The following ABLIM2 variants were observed in gnomAD, a reference collection of about 807,000 sequenced individuals.
ABLIM2 encodes the protein actin-binding LIM protein 2.
ABLIM2 carries 53 observed loss-of-function variants against 97.7 expected under a neutral mutation model. The ratio of observed to expected loss-of-function variants is 0.54; its 90% CI spans 0.44 to 0.68. The LOEUF (loss-of-function observed/expected upper bound fraction) is 0.68, where lower values mean the gene tolerates loss of function less well. Ranked by LOEUF, ABLIM2 falls within the 30% of genes least tolerant of loss-of-function variation. The pLI is 0.00. For synonymous variants in ABLIM2, 361 were observed against 345.8 expected, an observed-to-expected ratio of 1.04 and a Z score of -0.49; for missense variants, 835 against 867.2, an observed-to-expected ratio of 0.96 and a Z score of 0.47.
intron 3 of ABLIM2, among the ~76,000 whole-genome samples, chr4:8,089,833 G>A (rs1270791125): frequency 6.6e-6 from 1 of 150,588 alleles, no homozygotes; most frequent in Non-Finnish European, 1.5e-5. Context: ...TTGAATGAAT[G>A]AATGGGTGAA....
intron 12 of ABLIM2, among the ~76,000 whole-genome samples, chr4:8,024,895 C>T (rs916128443): frequency 2.0e-5 from 3 of 152,162 alleles, no homozygotes; most frequent in Admixed American, 6.5e-5. Context: ...CACCAGACAC[C>T]AGAGAGGTGG....
intron 6 of ABLIM2, among the ~76,000 whole-genome samples, chr4:8,063,225 C>T (rs949544671): frequency 2.6e-5 from 4 of 152,190 alleles, no homozygotes; most frequent in East Asian, 1.9e-4. Flanking sequence ...GCCACCACGC[C>T]CAGCTAATTT....
chr4:8,001,135 C>T lies in ABLIM2; in HGVS notation c.1618+6924G>A, dbSNP rs541086025. Among the ~76,000 whole-genome samples the T allele has an allele frequency of 6.6e-6, 1 of 152,324 alleles. No homozygotes were observed. Among genetic ancestry groups the T allele is most frequent in the South Asian group, 2.1e-4 (1 of 4,818 alleles). ...TGTCCATCTGAGGAAGACGGGCACC[C>T]CTCATCCCTGAGCAGCGGTGAATGA... On this transcript the variant is annotated intron_variant, in intron 16 of 20. Coordinates refer to ENST00000447017, the MANE Select transcript of ABLIM2 (RefSeq NM_001130083.2). This position sits in a 1 kb window ranked among gnomAD's most constrained non-coding sequence, Gnocchi z 4.2.
chr4:8,110,795 G>A (rs889018597), intron 1 of ABLIM2, among the ~76,000 whole-genome samples: 18 of 152,204 alleles, frequency 1.2e-4, no homozygotes, highest in Non-Finnish European at 1.6e-4. Context: ...CTGCCCTCTC[G>A]CGATGGGAGA....
chr4:8,054,098 T>A lies in ABLIM2; in HGVS notation c.822+90A>T. ...AGCCCGTGGGACTGGACAATGAGCC[T>A]GTAGAATCTGGTCAGTGTCCTCTTA... On this transcript the variant is annotated intron_variant, in intron 8 of 20. Transcript: ENST00000447017. This position sits in a 1 kb window ranked among gnomAD's most constrained non-coding sequence, Gnocchi z 4.9. The A allele has an allele frequency of 1.4e-6, 2 of 1,453,372 alleles. No individual in the cohort carries two copies. Among genetic ancestry groups the A allele is most frequent in the Non-Finnish European group, 1.9e-6 (2 of 1,036,516 alleles). 90.0% of individuals were successfully genotyped at this position (1,453,372 alleles called of 1,614,324 possible).
intron 1 of ABLIM2, among the ~76,000 whole-genome samples, chr4:8,108,970 G>C (rs750951732): frequency 1.3e-5 from 2 of 152,244 alleles, no homozygotes; most frequent in Non-Finnish European, 2.9e-5. Context: ...GCGAGGAGTG[G>C]GAAAGATGAA....
At position 8,002,661 on chromosome 4, in the gene ABLIM2, C is replaced by T. The variant is rs1758016524; in HGVS notation, c.1618+5398G>A. On this transcript the variant is annotated intron_variant, in intron 16 of 20. Transcript: ENST00000447017. This position sits in a 1 kb window ranked among gnomAD's most constrained non-coding sequence, Gnocchi z 6.1. ...TCACCGTCTCGGTTTCCCAAGGCCG[C>T]CCTGCTCCTGCCTCCAGACCTGTCT... 2.0e-5 allele frequency among the ~76,000 whole-genome samples: 3 copies of T among 152,294 alleles called. No homozygotes were observed. In the South Asian group the frequency reaches 6.2e-4, roughly 32 times the overall value.
At chr4:8,098,332 A>G (rs1437805964) in intron 2 of ABLIM2, among the ~76,000 whole-genome samples, 2 of 152,182 alleles carry the variant, frequency 1.3e-5, no homozygotes, top group African/African-American at 4.8e-5. Flanking sequence ...CTGACATCTA[A>G]AAGTTTTCAT....
intron 20 of ABLIM2, among the ~76,000 whole-genome samples, chr4:7,971,867 C>A (rs1341743739): frequency 6.6e-6 from 1 of 152,188 alleles, no homozygotes; most frequent in Admixed American, 6.5e-5. Flanking sequence ...CAGCACAGGG[C>A]TGGCTGACCG....
At chr4:8,060,517 T>C (rs1802300336) in intron 7 of ABLIM2, among the ~76,000 whole-genome samples, 1 of 152,164 alleles carries the variant, frequency 6.6e-6, no homozygotes, top group African/African-American at 2.4e-5. Context: ...CAGTACCTCA[T>C]TACCAACCTC....
At chr4:8,066,559 T>G (rs778901262) in intron 6 of ABLIM2, 2 of 151,748 alleles carry the variant, frequency 1.3e-5, no homozygotes, top group Non-Finnish European at 2.9e-5. Context: ...TGCCAGGGAG[T>G]ATTATTCAGC....
In ABLIM2 at chr4:8,122,588, C is replaced by A. The variant is rs551518565; in HGVS notation, c.11-15951G>T. ...TCACGACCTCATCTAAACCCCATCA[C>A]CTCCCCAAGGCCCCTCCTCCAAATA... On this transcript the variant is annotated intron_variant, in intron 1 of 20. Transcript: ENST00000447017. The surrounding 1 kb of genome is among the most constrained non-coding windows in gnomAD (Gnocchi z 4.1). 4.6e-5 allele frequency among the ~76,000 whole-genome samples: 7 copies of A among 152,304 alleles called. No individual in the cohort carries two copies. The highest frequency in any genetic ancestry group is 1.4e-4 in the African/African-American group (6 of 41,562).
intron 1 of ABLIM2, among the ~76,000 whole-genome samples, chr4:8,137,690 C>T (rs919901564): frequency 6.6e-6 from 1 of 152,234 alleles, no homozygotes; most frequent in Non-Finnish European, 1.5e-5. Context: ...GCCAGCCTGA[C>T]AGGGTCCTGC....
intron 1 of ABLIM2, among the ~76,000 whole-genome samples, chr4:8,144,398 G>A (rs556148196): frequency 4.6e-5 from 7 of 152,238 alleles, no homozygotes; most frequent in Non-Finnish European, 8.8e-5. Context: ...CCCCAGGGCC[G>A]CCGCTGGGGG....
chr4:8,152,269 C>T (rs1445885344), intron 1 of ABLIM2, among the ~76,000 whole-genome samples: 4 of 152,352 alleles, frequency 2.6e-5, no homozygotes, highest in East Asian at 3.9e-4. Flanking sequence ...GCCAGGGATA[C>T]GCGTGTTGCG....
intron 16 of ABLIM2, among the ~76,000 whole-genome samples, chr4:7,993,582 T>C (rs1403221177): frequency 6.6e-6 from 1 of 152,046 alleles, no homozygotes; most frequent in South Asian, 2.1e-4. Flanking sequence ...GAGGCTGAGG[T>C]GGGAGGATCC....
chr4:7,968,957 C>T (rs1364631493), intron 20 of ABLIM2, among the ~76,000 whole-genome samples: 1 of 151,000 alleles, frequency 6.6e-6, no homozygotes, highest in African/African-American at 2.4e-5. Flanking sequence ...CCATGGCAAA[C>T]CCCATCTCTA....
chr4:8,091,319 T>TA lies in ABLIM2; in HGVS notation c.339-3036_339-3035insT, dbSNP rs1827403960. On this transcript the variant is annotated intron_variant, in intron 3 of 20. Transcript: ENST00000447017. ...TATATATTATATTATATATATATAATTATATATATATTATATATATAATAT... is the reference window on the plus strand; with the variant it reads ...TATATATTATATTATATATATATAATATATATATATATTATATATATAATAT... Among the ~76,000 whole-genome samples the TA allele has an allele frequency of 1.2e-4, 5 of 40,818 alleles. 1 individual carries two copies. Among genetic ancestry groups the TA allele is most frequent in the African/African-American group, 1.7e-4 (2 of 11,798 alleles). 26.8% of individuals were successfully genotyped at this position (40,818 alleles called of 152,430 possible). A position where few individuals can be genotyped will look rare whatever the true frequency, so the allele number is the denominator to read the frequency against.
Position 8,021,403 on chromosome 4 carries a change from CA to C in ABLIM2, c.1268-1101del, listed in dbSNP as rs955749873. ...GATGAGAGAAGGTGTACGCTCCCTGCAGAAGACACTCCCAAGGCCCCGTTCC... is the reference window on the plus strand; with the variant it reads ...GATGAGAGAAGGTGTACGCTCCCTGCGAAGACACTCCCAAGGCCCCGTTCC... On this transcript the variant is annotated intron_variant, in intron 12 of 20. Coordinates refer to ENST00000447017, the MANE Select transcript of ABLIM2 (RefSeq NM_001130083.2). The surrounding 1 kb of genome is among the most constrained non-coding windows in gnomAD (Gnocchi z 5.5). Among the ~76,000 whole-genome samples the C allele has an allele frequency of 3.3e-5, 5 of 152,108 alleles. No homozygotes were observed. The highest frequency in any genetic ancestry group is 3.3e-4 in the Admixed American group (5 of 15,270).
Sources: allele counts gnomAD v4.1 joint callset (sites outside exome capture counted in the v4.1 genomes callset), GRCh38; gene constraint gnomAD v4.1.1; non-coding constraint Gnocchi (gnomAD v3.1); transcripts MANE v1.5; gene names NCBI Gene and HGNC (gene_info 2026-07-23, HGNC 2026-07-21).